SARS1: variants seen among roughly 807,000 people sequenced by gnomAD.
The protein encoded by SARS1 is seryl-tRNA synthetase 1, also known as serine--tRNA ligase, cytoplasmic.
In SARS1, 25 loss-of-function variants were observed where a neutral mutation model predicts 63.7. That is an observed-to-expected ratio of 0.39 (90% CI 0.29 to 0.55). The LOEUF (loss-of-function observed/expected upper bound fraction) is 0.55, where lower values mean the gene tolerates loss of function less well. Ranked by LOEUF, SARS1 falls within the 20% of genes least tolerant of loss-of-function variation. The pLI is 0.62. For synonymous variants in SARS1, 231 were observed against 243.5 expected, an observed-to-expected ratio of 0.95 and a Z score of 0.48; for missense variants, 417 against 649.7, an observed-to-expected ratio of 0.64 and a Z score of 3.89.
rs1251194728 is a variant in SARS1 at position 109,238,066 on chromosome 1, G to A, written c.*178G>A. 1 of 668,506 alleles carries A rather than the reference G, an allele frequency of 1.5e-6. No homozygotes were observed. The highest frequency in any genetic ancestry group is 2.6e-6 in the Non-Finnish European group (1 of 386,646). The allele number at this position is 668,506 out of a possible 1,614,324, so 41.4% of individuals were successfully genotyped here. A position where few individuals can be genotyped will look rare whatever the true frequency, so the allele number is the denominator to read the frequency against. On this transcript the variant is annotated 3_prime_UTR_variant, in exon 11 of 11. Coordinates refer to ENST00000234677, the MANE Select transcript of SARS1 (RefSeq NM_006513.4). ...GTTCCTGTCTCCTCGCATGGGCATA[G>A]GGACCCATCATTGATGACTGATGAA...
intron 5 of SARS1, 172 bp from the exon 6 acceptor site, chr1:109,231,459 C>T (rs1220263979): frequency 6.5e-6 from 3 of 461,372 alleles, no homozygotes; most frequent in Admixed American, 4.1e-5. Context: ...GTGTTCAGAA[C>T]GAATCTCAAG....
At chr1:109,219,335 C>CTATATATATATATATATA (rs112352590) in intron 1 of SARS1, among the ~76,000 whole-genome samples, 3 of 127,312 alleles carry the variant, frequency 2.4e-5, no homozygotes, top group African/African-American at 8.9e-5. Flanking sequence ...TATATACACA[C>CTATATATATATATATATA]TATATATATA....
chr1:109,216,321 A>G (rs1654784136), intron 1 of SARS1: 3 of 985,272 alleles, frequency 3.0e-6, no homozygotes, highest in Non-Finnish European at 3.6e-6. Context: ...GTCTTCCTGT[A>G]GACTTACAAG....
intron 3 of SARS1, 131 bp from the exon 4 acceptor site, chr1:109,229,283 C>T (rs1054040205): frequency 9.3e-6 from 8 of 860,920 alleles, no homozygotes; most frequent in Middle Eastern, 2.3e-4. Flanking sequence ...TAAAAGTCTT[C>T]GTTTCCAGTT....
intron 1 of SARS1, among the ~76,000 whole-genome samples, chr1:109,223,228 A>G (rs765819935): frequency 1.3e-5 from 2 of 152,260 alleles, no homozygotes; most frequent in Non-Finnish European, 2.9e-5. Flanking sequence ...GATGAGCATT[A>G]TATCAAAGTA....
Position 109,237,389 on chromosome 1 carries a change from C to T in SARS1, c.1387+16C>T. ...ATGCCGCCAGGTAAAACTCCCAGCT[C>T]ATCTCATCGTTCTCCTCTTTTCTGT... is the stretch of plus-strand genomic sequence containing the variant. On this transcript the variant is annotated intron_variant, in intron 10 of 10. Transcript: ENST00000234677. This position sits in a 1 kb window ranked among gnomAD's most constrained non-coding sequence, Gnocchi z 4.1. 1.2e-6 allele frequency: 2 copies of T among 1,614,170 alleles called. No homozygotes were observed. Among genetic ancestry groups the T allele is most frequent in the Non-Finnish European group, 1.7e-6 (2 of 1,180,018 alleles).
chr1:109,238,048 T>G lies in SARS1; in HGVS notation c.*160T>G. ...GCCATGTACCACACAGATGTTCCTG[T>G]CTCCTCGCATGGGCATAGGGACCCA... On this transcript the variant is annotated 3_prime_UTR_variant, in exon 11 of 11. Coordinates refer to ENST00000234677, the MANE Select transcript of SARS1 (RefSeq NM_006513.4). 10 of 739,720 alleles carry G rather than the reference T, an allele frequency of 1.4e-5. No individual in the cohort carries two copies. The highest frequency in any genetic ancestry group is 2.0e-5 in the Non-Finnish European group (9 of 448,460). The allele number at this position is 739,720 out of a possible 1,614,324, so 45.8% of individuals were successfully genotyped here. A position where few individuals can be genotyped will look rare whatever the true frequency, so the allele number is the denominator to read the frequency against.
chr1:109,236,821 A>G, intron 9 of SARS1: 1 of 1,600,630 alleles, frequency 6.2e-7, no homozygotes, highest in Non-Finnish European at 8.5e-7. Flanking sequence ...AATAATCTCC[A>G]TTTATCTACA....
chr1:109,229,216 C>A (rs969193660), intron 3 of SARS1, among the ~76,000 whole-genome samples, 198 bp from the exon 4 acceptor site: 1 of 152,162 alleles, frequency 6.6e-6, no homozygotes, highest in Non-Finnish European at 1.5e-5. Flanking sequence ...AGAAAAATGC[C>A]GATGGATTTG....
At chr1:109,230,276 A>C (rs1413500948) in intron 4 of SARS1, among the ~76,000 whole-genome samples, 1 of 152,182 alleles carries the variant, frequency 6.6e-6, no homozygotes, top group African/African-American at 2.4e-5. Flanking sequence ...AGGGTAAAAA[A>C]AAGAAATAAA....
At position 109,237,993 on chromosome 1, in the gene SARS1, A is replaced by G; in HGVS notation, c.*105A>G. The G allele has an allele frequency of 7.8e-7, 1 of 1,281,924 alleles. No homozygotes were observed. Among genetic ancestry groups the G allele is most frequent in the Non-Finnish European group, 1.1e-6 (1 of 916,252 alleles). The allele number at this position is 1,281,924 out of a possible 1,614,324, so 79.4% of individuals were successfully genotyped here. A position where few individuals can be genotyped will look rare whatever the true frequency, so the allele number is the denominator to read the frequency against. The stretch of plus-strand genomic sequence containing the variant: ...AGCACCCATTCATCCCCCTGCCCCC[A>G]TCTGACTGCGTAGCTGAGAGGGGAA... On this transcript the variant is annotated 3_prime_UTR_variant, in exon 11 of 11. Coordinates refer to ENST00000234677, the MANE Select transcript of SARS1 (RefSeq NM_006513.4). This position sits in a 1 kb window ranked among gnomAD's most constrained non-coding sequence, Gnocchi z 4.1.
chr1:109,215,417 A>G, intron 1 of SARS1: 1 of 985,426 alleles, frequency 1.0e-6, no homozygotes, highest in Non-Finnish European at 1.2e-6. Context: ...CATCTGAGGG[A>G]TTTGTCCCTT....
At chr1:109,230,143 TC>T (rs946318510) in intron 4 of SARS1, among the ~76,000 whole-genome samples, 6 of 151,770 alleles carry the variant, frequency 4.0e-5, no homozygotes, top group African/African-American at 1.5e-4. Flanking sequence ...GAGTCCGCCC[TC>T]ATGTGGCCCT....
At chr1:109,230,769 C>A in intron 4 of SARS1, 109 bp from the exon 5 acceptor site, 2 of 938,264 alleles carry the variant, frequency 2.1e-6, no homozygotes, top group Non-Finnish European at 3.0e-6. Flanking sequence ...TGTGCCATTG[C>A]ACTCCAGCCT....
Position 109,213,969 on chromosome 1 carries a change from A to T in SARS1, c.-24A>T, listed in dbSNP as rs765052931. On this transcript the variant is annotated 5_prime_UTR_variant, in exon 1 of 11. Transcript: ENST00000234677. Reference sequence around the variant, plus strand: ...CTGCGGCGCGATCCTTGCTTCCCTGAGCGTTGGCCCGGGAGGAAAGAAGAT... The same window carrying T: ...CTGCGGCGCGATCCTTGCTTCCCTGTGCGTTGGCCCGGGAGGAAAGAAGAT... 6.3e-7 allele frequency: 1 copy of T among 1,599,542 alleles called. No individual in the cohort carries two copies. The highest frequency in any genetic ancestry group is 1.3e-5 in the African/African-American group (1 of 74,356).
chr1:109,232,582 A>G (rs1054727466), intron 6 of SARS1, among the ~76,000 whole-genome samples: 2 of 152,194 alleles, frequency 1.3e-5, no homozygotes, highest in Non-Finnish European at 2.9e-5. Flanking sequence ...AATTAGAACG[A>G]TCTTTCCATT....
Position 109,230,987 on chromosome 1 carries a change from C to A in SARS1, c.557C>A (p.Ala186Asp). 6.5e-7 allele frequency: 1 copy of A among 1,546,710 alleles called. No homozygotes were observed. Among genetic ancestry groups the A allele is most frequent in the Non-Finnish European group, 8.7e-7 (1 of 1,147,820 alleles). ...MVDGFEGEKG[A>D]VVAGSRGYFL... ...GATGGCTTTGAAGGCGAAAAGGGGG[C>A]CGTGGTGGCTGGGAGTCGAGGGTAC... is the stretch of plus-strand genomic sequence containing the variant. Residue 186 changes from alanine (A) to aspartate (D), a missense_variant, in exon 5 of 11, where the codon GCC becomes GAC. Ala to Asp is a moderately radical substitution (Grantham distance 126). This residue lies in a region of SARS1 where 359 missense variants were observed against 529.6 expected (regional missense o/e 0.68). Coordinates refer to ENST00000234677, the MANE Select transcript of SARS1 (RefSeq NM_006513.4).
intron 4 of SARS1, among the ~76,000 whole-genome samples, 156 bp from the exon 5 acceptor site, chr1:109,230,722 T>A (rs1487490364): frequency 1.3e-5 from 2 of 151,954 alleles, no homozygotes; most frequent in Non-Finnish European, 2.9e-5. Flanking sequence ...GGAGGATCAC[T>A]GGAGCCTGGA....
In SARS1 at chr1:109,237,640, G is replaced by A; in HGVS notation, c.1388-91G>A. The A allele has an allele frequency of 7.0e-7, 1 of 1,421,964 alleles. No homozygotes were observed. Among genetic ancestry groups the A allele is most frequent in the East Asian group, 2.3e-5 (1 of 43,798 alleles). 88.1% of individuals were successfully genotyped at this position (1,421,964 alleles called of 1,614,324 possible). On this transcript the variant is annotated intron_variant, in intron 10 of 10. Transcript: ENST00000234677. The surrounding 1 kb of genome is among the most constrained non-coding windows in gnomAD (Gnocchi z 4.1). ...ATCAAAGGGACCCCTCTGTTCAAAGGGATCATTGTCTTGTTGAATTCTCCC... is the reference window on the plus strand; with the variant it reads ...ATCAAAGGGACCCCTCTGTTCAAAGAGATCATTGTCTTGTTGAATTCTCCC...
Sources: allele counts gnomAD v4.1 joint callset (sites outside exome capture counted in the v4.1 genomes callset), GRCh38; gene constraint gnomAD v4.1.1; regional missense constraint gnomAD v4.1.1; non-coding constraint Gnocchi (gnomAD v3.1); transcripts MANE v1.5; gene names NCBI Gene and HGNC (gene_info 2026-07-23, HGNC 2026-07-21).